The following TRIO variants were observed in gnomAD, a reference collection of about 807,000 sequenced individuals.
TRIO encodes the protein triple functional domain protein.
TRIO carries 58 observed loss-of-function variants against 351.9 expected under a neutral mutation model. That is an observed-to-expected ratio of 0.16 (90% CI 0.13 to 0.21). The LOEUF (loss-of-function observed/expected upper bound fraction) is 0.21, where lower values mean the gene tolerates loss of function less well. TRIO is among the 10% of genes least tolerant of loss of function. The pLI is 1.00. For missense variants in TRIO, 3,201 were observed against 4,027.8 expected, an observed-to-expected ratio of 0.79 and a Z score of 5.56; for synonymous variants, 1,758 against 1,595.7, an observed-to-expected ratio of 1.10 and a Z score of -2.42.
intron 1 of TRIO, among the ~76,000 whole-genome samples, chr5:14,207,319 CACACACACACACACACACACACA>C (rs1219985798): frequency 3.2e-4 from 5 of 15,686 alleles, no homozygotes; most frequent in Non-Finnish European, 5.6e-4. Context: ...GACTGTCTCT[CACACACACACACACACACACACA>C]CACACACACA....
chr5:14,334,039 A>G (rs1291644393), intron 10 of TRIO, among the ~76,000 whole-genome samples: 1 of 152,202 alleles, frequency 6.6e-6, no homozygotes, highest in African/African-American at 2.4e-5. Context: ...TGGCTTAGGT[A>G]CTGGTTGTTT....
intron 1 of TRIO, among the ~76,000 whole-genome samples, chr5:14,216,914 T>G (rs1000866668): frequency 3.7e-4 from 57 of 152,138 alleles, no homozygotes; most frequent in African/African-American, 1.3e-3. Flanking sequence ...GGAGCTGACA[T>G]TGGAATCTAG....
intron 14 of TRIO, 31 bp downstream of exon 14, chr5:14,363,958 G>A: frequency 6.3e-7 from 1 of 1,583,510 alleles, no homozygotes; most frequent in Non-Finnish European, 8.6e-7. Context: ...TGTGTCCGTT[G>A]TGATTTCTTC....
In TRIO at chr5:14,487,975, C is replaced by T; in HGVS notation, c.7347C>T (p.Pro2449=). 2.6e-6 allele frequency: 4 copies of T among 1,554,094 alleles called. No individual in the cohort carries two copies. In the South Asian group the frequency reaches 3.6e-5, roughly 14 times the overall value. The change falls in exon 48 of 57, where the codon CCC becomes CCT. Residue 2449 remains proline, a synonymous_variant. Coordinates refer to ENST00000344204, the MANE Select transcript of TRIO (RefSeq NM_007118.4). ...TGGGCACCCTGCCGCTTGGGAAGCC[C>T]CGGGCCGGGGCCGCTTCGCCGCTGA... ...ASLGTLPLGK[P]RAGAASPLNS...
chr5:14,415,903 G>T (rs965134026), intron 33 of TRIO, among the ~76,000 whole-genome samples: 5 of 151,668 alleles, frequency 3.3e-5, no homozygotes, highest in Admixed American at 2.6e-4. Flanking sequence ...AAGTTGAAAG[G>T]TTTAAAAAAA....
intron 1 of TRIO, among the ~76,000 whole-genome samples, chr5:14,256,289 A>C (rs1013690232): frequency 4.7e-4 from 71 of 152,334 alleles, no homozygotes; most frequent in African/African-American, 1.6e-3. Context: ...GACAGCACCA[A>C]GACATTCATG....
At chr5:14,335,785 C>CA (rs1177603660) in intron 10 of TRIO, among the ~76,000 whole-genome samples, 1 of 151,928 alleles carries the variant, frequency 6.6e-6, no homozygotes, top group Non-Finnish European at 1.5e-5. Context: ...GGCAACATTG[C>CA]AAACCCCCAT....
At chr5:14,378,160 A>G (rs147151301) in intron 20 of TRIO, 33 bp downstream of exon 20, 26,115 of 1,521,906 alleles carry the variant, frequency 0.017, 310 homozygotes, top group Non-Finnish European at 0.019. Flanking sequence ...GCCTCCCCCT[A>G]AACTCCCGTG....
intron 27 of TRIO, among the ~76,000 whole-genome samples, chr5:14,391,682 A>T (rs571089843): frequency 1.3e-5 from 2 of 152,228 alleles, no homozygotes; most frequent in African/African-American, 2.4e-5. Context: ...ATAAGGTGCT[A>T]TTGAATAGTG....
At chr5:14,301,962 A>T (rs567731693) in intron 7 of TRIO, among the ~76,000 whole-genome samples, 15 of 152,294 alleles carry the variant, frequency 9.8e-5, no homozygotes, top group African/African-American at 3.4e-4. Flanking sequence ...ATGGGCTGTT[A>T]TTAACCCAGA....
intron 9 of TRIO, among the ~76,000 whole-genome samples, chr5:14,330,386 A>T (rs1212505215): frequency 6.6e-6 from 1 of 152,226 alleles, no homozygotes; most frequent in Non-Finnish European, 1.5e-5. Context: ...TGTAGCTTTA[A>T]GCCTTATAAA....
chr5:14,472,344 G>T (rs952071741), intron 38 of TRIO, among the ~76,000 whole-genome samples: 7 of 152,228 alleles, frequency 4.6e-5, no homozygotes, highest in Non-Finnish European at 7.3e-5. Context: ...TCAGAATCCA[G>T]AAGGGTGAAT....
At position 14,156,124 on chromosome 5, in the gene TRIO, T is replaced by A. The variant is rs147955060; in HGVS notation, c.157+12242T>A. On this transcript the variant is annotated intron_variant, in intron 1 of 56. Coordinates refer to ENST00000344204, the MANE Select transcript of TRIO (RefSeq NM_007118.4). ...GTTTGATGCTGTAATTATCTAAGAT[T>A]TGGCTAGTGGGAGCCCCTTCATCCT... 6.6e-4 allele frequency among the ~76,000 whole-genome samples: 100 copies of A among 151,946 alleles called. 1 individual carries two copies. The highest frequency in any genetic ancestry group is 2.5e-3 in the South Asian group (12 of 4,826).
intron 11 of TRIO, among the ~76,000 whole-genome samples, chr5:14,349,065 T>C (rs1225605871): frequency 7.3e-6 from 1 of 136,166 alleles, no homozygotes; most frequent in Non-Finnish European, 1.6e-5. Flanking sequence ...TCCTGCATGT[T>C]TGTGTGTATG....
At chr5:14,431,891 A>G (rs772211638) in intron 34 of TRIO, among the ~76,000 whole-genome samples, 22 of 152,098 alleles carry the variant, frequency 1.4e-4, no homozygotes, top group Non-Finnish European at 2.4e-4. Flanking sequence ...CTATCTCCCT[A>G]TTTCCTTTTC....
intron 33 of TRIO, among the ~76,000 whole-genome samples, chr5:14,417,699 A>G (rs1749759107): frequency 6.6e-6 from 1 of 152,214 alleles, no homozygotes. Flanking sequence ...AAGAGGTGAC[A>G]GGGGAGAGCT....
chr5:14,426,692 C>T (rs1425254624), intron 34 of TRIO, among the ~76,000 whole-genome samples: 1 of 152,160 alleles, frequency 6.6e-6, no homozygotes, highest in African/African-American at 2.4e-5. Flanking sequence ...AGATGGCCGG[C>T]ACTGAGAGCC....
intron 1 of TRIO, among the ~76,000 whole-genome samples, chr5:14,216,653 C>G (rs188406631): frequency 6.6e-6 from 1 of 152,320 alleles, no homozygotes; most frequent in East Asian, 1.9e-4. Context: ...TTTTTAAAGA[C>G]TCTGTGTATC....
intron 11 of TRIO, among the ~76,000 whole-genome samples, chr5:14,357,916 A>G (rs1743774739): frequency 6.6e-6 from 1 of 151,782 alleles, no homozygotes; most frequent in South Asian, 2.1e-4. Context: ...CTCTTTTGTG[A>G]CAGTGCTGCC....
Sources: gnomAD v4.1 joint callset for allele counts (sites outside exome capture counted in the v4.1 genomes callset) on GRCh38, gnomAD v4.1.1 for gene constraint, MANE v1.5 for transcripts, NCBI Gene and HGNC (gene_info 2026-07-23, HGNC 2026-07-21) for gene names.